Variants in PTBP2 observed in about 807,000 individuals in gnomAD.
PTBP2 encodes the protein polypyrimidine tract binding protein 2, also known as polypyrimidine tract-binding protein 2.
Under a neutral mutation model 61.4 loss-of-function variants are expected in PTBP2, and 13 were observed. The observed-to-expected ratio is 0.21, with a 90% CI of 0.14 to 0.34. PTBP2 has a LOEUF of 0.34. Among genes scored for constraint, PTBP2 ranks in the 10% least tolerant of loss-of-function variants. PTBP2 has a pLI of 1.00. For synonymous variants in PTBP2, 215 were observed against 218.5 expected, an observed-to-expected ratio of 0.98 and a Z score of 0.14; for missense variants, 405 against 642.6, an observed-to-expected ratio of 0.63 and a Z score of 4.00.
intron 3 of PTBP2, among the ~76,000 whole-genome samples, chr1:96,762,534 G>C (rs1426136677): frequency 6.8e-6 from 1 of 146,358 alleles, no homozygotes; most frequent in Non-Finnish European, 1.5e-5. Context: ...GCGGCTGGCC[G>C]GGCTGGGGGC....
intron 2 of PTBP2, among the ~76,000 whole-genome samples, chr1:96,746,787 T>C (rs1011296039): frequency 6.6e-5 from 10 of 151,692 alleles, no homozygotes; most frequent in Non-Finnish European, 4.4e-5. Flanking sequence ...TCCCAGTTTG[T>C]AGCTTGCCTT....
Position 96,777,650 on chromosome 1 carries a change from C to G in PTBP2, c.498C>G (p.Thr166=). ...CAGCAAATACTCCTCTTAGTGGCAC[C>G]ACAGTTAGCGAGAGTGCAGTGACTC... ...VQTANTPLSG[T]TVSESAVTPA... The change falls in exon 6 of 14, where the codon ACC becomes ACG. Residue 166 remains threonine (T), a synonymous_variant. Transcript: ENST00000674951. The G allele has an allele frequency of 6.2e-7, 1 of 1,613,354 alleles. No individual in the cohort carries two copies. Among genetic ancestry groups the G allele is most frequent in the Non-Finnish European group, 8.5e-7 (1 of 1,179,494 alleles).
chr1:96,783,421 T>A (rs1401274969), intron 7 of PTBP2, among the ~76,000 whole-genome samples: 2 of 152,066 alleles, frequency 1.3e-5, no homozygotes, highest in African/African-American at 4.8e-5. Context: ...CTGGAGGGCT[T>A]TCTAACAATT....
At chr1:96,817,412 G>T (rs1662527358), downstream of PTBP2, 2 of 152,038 alleles carry the variant, frequency 1.3e-5, no homozygotes, top group Admixed American at 1.3e-4. Context: ...CATTGATTAT[G>T]CAAAACCTTA....
At chr1:96,802,098 C>G (rs1661054622) in intron 8 of PTBP2, among the ~76,000 whole-genome samples, 1 of 149,030 alleles carries the variant, frequency 6.7e-6, no homozygotes, top group African/African-American at 2.5e-5. Flanking sequence ...GTAGTCCCAG[C>G]TACTTGGGAG....
chr1:96,782,355 G>C (rs1156766828), intron 7 of PTBP2, among the ~76,000 whole-genome samples: 1 of 151,880 alleles, frequency 6.6e-6, no homozygotes, highest in Non-Finnish European at 1.5e-5. Context: ...GTAAGATTAT[G>C]TCATTCATTT....
chr1:96,807,055 A>G (rs1039602547), intron 11 of PTBP2, 97 bp downstream of exon 11: 8 of 878,470 alleles, frequency 9.1e-6, no homozygotes, highest in African/African-American at 1.8e-5. Context: ...TACATCAGTA[A>G]GAAATTATTT....
chr1:96,804,421 G>A (rs960224005), intron 8 of PTBP2, among the ~76,000 whole-genome samples: 6 of 150,578 alleles, frequency 4.0e-5, no homozygotes, highest in South Asian at 2.2e-4. Context: ...CCATTATGTC[G>A]AAAGTGATAC....
At chr1:96,738,498 C>T (rs1652541863) in intron 2 of PTBP2, among the ~76,000 whole-genome samples, 1 of 151,728 alleles carries the variant, frequency 6.6e-6, no homozygotes, top group Admixed American at 6.6e-5. Flanking sequence ...TGGTCTAGAT[C>T]TCCTGACCTT....
chr1:96,775,323 A>G (rs1162850908), intron 5 of PTBP2, among the ~76,000 whole-genome samples: 1 of 152,222 alleles, frequency 6.6e-6, no homozygotes, highest in Non-Finnish European at 1.5e-5. Flanking sequence ...TAGGTATGTT[A>G]AAAGATATGT....
rs1433198995 is a variant in PTBP2, at chr1:96,721,842, G to A, written c.-23G>A. 1.3e-6 allele frequency: 2 copies of A among 1,563,492 alleles called. No homozygotes were observed. The highest frequency in any genetic ancestry group is 1.2e-5 in the South Asian group (1 of 84,922). On this transcript the variant is annotated 5_prime_UTR_variant, in exon 1 of 14. Transcript: ENST00000674951. ...TGGCTGCGTGGCTCGGTTCTTGTGAGCGAAGCTTTGTCCGGTTCGGCAATG... is the reference window on the plus strand; with the variant it reads ...TGGCTGCGTGGCTCGGTTCTTGTGAACGAAGCTTTGTCCGGTTCGGCAATG...
At chr1:96,792,641 T>C (rs1464433114) in intron 8 of PTBP2, among the ~76,000 whole-genome samples, 3 of 152,190 alleles carry the variant, frequency 2.0e-5, no homozygotes, top group Admixed American at 2.0e-4. Flanking sequence ...GTCCATTAAG[T>C]ATTTAGCCTG....
At chr1:96,724,860 GATAATA>G (rs1246720438) in intron 2 of PTBP2, among the ~76,000 whole-genome samples, 4 of 151,724 alleles carry the variant, frequency 2.6e-5, no homozygotes, top group African/African-American at 9.7e-5. Flanking sequence ...GTATAATAAT[GATAATA>G]ATAATTGTAT....
intron 11 of PTBP2, among the ~76,000 whole-genome samples, chr1:96,807,985 A>G (rs1160578735): frequency 6.6e-6 from 1 of 152,140 alleles, no homozygotes; most frequent in Non-Finnish European, 1.5e-5. Context: ...TTGTTTTCAT[A>G]TATGTTGTAA....
At chr1:96,741,305 A>G (rs542081679) in intron 2 of PTBP2, among the ~76,000 whole-genome samples, 2 of 152,196 alleles carry the variant, frequency 1.3e-5, no homozygotes, top group East Asian at 3.9e-4. Context: ...TGTGTCATCC[A>G]GGCTGGAGTG....
Position 96,769,747 on chromosome 1 carries a change from G to T in PTBP2, c.160G>T (p.Asp54Tyr), listed in dbSNP as rs1657173558. The change falls in exon 4 of 14, where the codon GAT (aspartate) becomes TAT (tyrosine). Residue 54 changes from aspartate (D) to tyrosine (Y), a missense_variant. By Grantham distance (160) the Asp-to-Tyr change is radical. This residue lies in a region of PTBP2 where 342 missense variants were observed against 491.2 expected (regional missense o/e 0.70). Coordinates refer to ENST00000674951, the MANE Select transcript of PTBP2 (RefSeq NM_021190.4). ...SKKFKGEDKM[D>Y]GAPSRVLHIR... ...AAAATTTAAAGGAGAAGATAAAATG[G>T]ATGGTGCTCCTTCTCGTGTACTTCA... 3 of 1,606,628 alleles carry T rather than the reference G, an allele frequency of 1.9e-6. No homozygotes were observed. Among genetic ancestry groups the T allele is most frequent in the Non-Finnish European group, 2.5e-6 (3 of 1,176,558 alleles).
chr1:96,794,421 T>G (rs1660161420), intron 8 of PTBP2, among the ~76,000 whole-genome samples: 1 of 152,230 alleles, frequency 6.6e-6, no homozygotes, highest in African/African-American at 2.4e-5. Context: ...AAACTATATA[T>G]GTTTGTGACC....
intron 3 of PTBP2, among the ~76,000 whole-genome samples, chr1:96,762,531 G>T (rs1176324028): frequency 6.9e-6 from 1 of 145,754 alleles, no homozygotes; most frequent in Non-Finnish European, 1.5e-5. Context: ...GGGGCGGCTG[G>T]CCGGGCTGGG....
intron 2 of PTBP2, among the ~76,000 whole-genome samples, chr1:96,725,186 T>G (rs1195454355): frequency 1.3e-5 from 2 of 152,176 alleles, no homozygotes; most frequent in Non-Finnish European, 2.9e-5. Context: ...GTGTGAGTTG[T>G]CGACTGTTAG....
Sources: gnomAD v4.1 joint callset for allele counts (sites outside exome capture counted in the v4.1 genomes callset) on GRCh38, gnomAD v4.1.1 for gene constraint, gnomAD v4.1.1 regional missense constraint, MANE v1.5 for transcripts, NCBI Gene and HGNC (gene_info 2026-07-23, HGNC 2026-07-21) for gene names.